The following PIN1 variants were observed in gnomAD, a reference collection of about 807,000 sequenced individuals.
The protein encoded by PIN1 is peptidylprolyl cis/trans isomerase, NIMA-interacting 1.
Under a neutral mutation model 19.9 loss-of-function variants are expected in PIN1, and 8 were observed. That is an observed-to-expected ratio of 0.40 (90% CI 0.24 to 0.72). PIN1 has a LOEUF of 0.72. Among genes scored for constraint, PIN1 ranks in the 30% least tolerant of loss-of-function variants. PIN1 has a pLI of 0.37. For synonymous variants in PIN1, 86 were observed against 90.8 expected, an observed-to-expected ratio of 0.95 and a Z score of 0.30; for missense variants, 185 against 226.5, an observed-to-expected ratio of 0.82 and a Z score of 1.18.
chr19:9,848,917 C>A (rs1262389844), intron 3 of PIN1, among the ~76,000 whole-genome samples, 173 bp from the exon 4 acceptor site: 1 of 152,164 alleles, frequency 6.6e-6, no homozygotes, highest in Non-Finnish European at 1.5e-5. Context: ...CCTGCCACCC[C>A]CAGCTGGGCC....
intron 2 of PIN1, among the ~76,000 whole-genome samples, chr19:9,847,465 A>G (rs2046230256): frequency 6.6e-6 from 1 of 152,204 alleles, no homozygotes; most frequent in South Asian, 2.1e-4. Flanking sequence ...TGTCCCTTGC[A>G]GAGCCCACCA....
At position 9,849,396 on chromosome 19, in the gene PIN1, G is replaced by A. The variant is rs746301950; in HGVS notation, c.*197G>A. ...CCCCACTCCCTGTCCATCCCCAGTTGGGGCTGCGACCGCCAGATTCTCCCT... is the reference window on the plus strand; with the variant it reads ...CCCCACTCCCTGTCCATCCCCAGTTAGGGCTGCGACCGCCAGATTCTCCCT... On this transcript the variant is annotated 3_prime_UTR_variant, in exon 4 of 4. Transcript: ENST00000247970. The A allele has an allele frequency of 1.5e-5, 11 of 723,200 alleles. No individual in the cohort carries two copies. Among genetic ancestry groups the A allele is most frequent in the Non-Finnish European group, 2.8e-5 (11 of 395,778 alleles). 44.8% of individuals were successfully genotyped at this position (723,200 alleles called of 1,614,324 possible).
At chr19:9,835,520 G>A in intron 1 of PIN1, 118 bp downstream of exon 1, 2 of 717,468 alleles carry the variant, frequency 2.8e-6, no homozygotes, top group South Asian at 2.6e-5. Context: ...TGGCTCTTCC[G>A]CGTCGTCCCC....
At position 9,842,554 on chromosome 19, in the gene PIN1, G is replaced by A. The variant is rs531225895; in HGVS notation, c.271+3906G>A. On this transcript the variant is annotated intron_variant, in intron 2 of 3. Transcript: ENST00000247970. ...AGCCCCTGCTGCCACCCCACAGCCC[G>A]TAGAAAGAGTTCCGGATAGGACCAC... is the stretch of plus-strand genomic sequence containing the variant. 6.6e-5 allele frequency among the ~76,000 whole-genome samples: 10 copies of A among 152,326 alleles called. 1 individual carries two copies. The East Asian group carries it at 9.7e-4, about 15-fold the overall frequency.
Position 9,847,586 on chromosome 19 carries a change from C to G in PIN1, c.272-444C>G, listed in dbSNP as rs1599455395. On this transcript the variant is annotated intron_variant, in intron 2 of 3. Coordinates refer to ENST00000247970, the MANE Select transcript of PIN1 (RefSeq NM_006221.4). ...CTTTCTCTGGACAGCTCTCCCACCT[C>G]TGCCCAGGGGGCCCGGGGGGCCAGC... 1.3e-5 allele frequency among the ~76,000 whole-genome samples: 2 copies of G among 152,342 alleles called. 1 individual carries two copies. The highest frequency in any genetic ancestry group is 4.1e-4 in the South Asian group (2 of 4,832).
chr19:9,835,632 C>T (rs1599446267), intron 1 of PIN1: 2 of 482,990 alleles, frequency 4.1e-6, no homozygotes, highest in South Asian at 3.6e-5. Flanking sequence ...GGTGAGGGTC[C>T]GGGGAGTCCG....
intron 2 of PIN1, among the ~76,000 whole-genome samples, chr19:9,840,700 G>A (rs527818593): frequency 3.3e-5 from 5 of 152,258 alleles, no homozygotes; most frequent in African/African-American, 1.2e-4. Flanking sequence ...GGGATCAGGT[G>A]ATCCTCCCAC....
Sources: allele counts gnomAD v4.1 joint callset (sites outside exome capture counted in the v4.1 genomes callset), GRCh38; gene constraint gnomAD v4.1.1; transcripts MANE v1.5; gene names NCBI Gene and HGNC (gene_info 2026-07-23, HGNC 2026-07-21).